GATC: variants seen among roughly 807,000 people sequenced by gnomAD.
The protein encoded by GATC is glutamyl-tRNA(Gln) amidotransferase subunit C, mitochondrial.
A neutral mutation model predicts 14.4 loss-of-function variants in GATC; 11 were observed. The ratio of observed to expected loss-of-function variants is 0.77; its 90% CI spans 0.48 to 1.27. The LOEUF is 1.27. Among genes scored for constraint, GATC ranks in the 50% most tolerant of loss-of-function variants. The pLI is 0.00. For synonymous variants in GATC, 76 were observed against 79.3 expected (o/e 0.96, Z 0.22); for missense variants, 204 against 183.0 (o/e 1.11, Z -0.66).
At chr12:120,452,007 G>C (rs1411443326) in intron 2 of GATC, among the ~76,000 whole-genome samples, 1 of 149,352 alleles carries the variant, frequency 6.7e-6, no homozygotes, top group Non-Finnish European at 1.5e-5. Context: ...CTCCCAAGTA[G>C]CTGGGACTAC....
At chr12:120,459,050 C>G (rs182120637) in intron 3 of GATC, among the ~76,000 whole-genome samples, 1 of 152,104 alleles carries the variant, frequency 6.6e-6, no homozygotes, top group Admixed American at 6.5e-5. Context: ...TTAGTAGAGA[C>G]GGGGTTTCAC....
chr12:120,458,920 G>C (rs1225630538), intron 3 of GATC, among the ~76,000 whole-genome samples: 1 of 152,168 alleles, frequency 6.6e-6, no homozygotes, highest in African/African-American at 2.4e-5. Context: ...GAGTGCAGTG[G>C]CGCGATCTCG....
chr12:120,447,391 G>A (rs1333690475), intron 2 of GATC, among the ~76,000 whole-genome samples: 1 of 151,864 alleles, frequency 6.6e-6, no homozygotes, highest in Non-Finnish European at 1.5e-5. Flanking sequence ...TCGCCTTTAA[G>A]GCCCTACTCC....
At chr12:120,449,837 A>G (rs557084883) in intron 2 of GATC, among the ~76,000 whole-genome samples, 2 of 151,956 alleles carry the variant, frequency 1.3e-5, no homozygotes, top group East Asian at 3.9e-4. Context: ...ATCTCAGCTC[A>G]CCACAACCTC....
rs747008018 is a variant in GATC at position 120,463,088 on chromosome 12, T to C, written c.*3129T>C. The C allele has an allele frequency of 6.6e-6, 1 of 150,834 alleles. No homozygotes were observed. Among genetic ancestry groups the C allele is most frequent in the African/African-American group, 2.5e-5 (1 of 40,692 alleles). The allele number at this position is 150,834 out of a possible 1,614,324, so 9.3% of individuals were successfully genotyped here. On this transcript the variant is annotated 3_prime_UTR_variant, in exon 4 of 4. Transcript: ENST00000551765. ...TGTCCCCAAACATCCGTAAATCTCA[T>C]AGTAAGGCAGGACAGGATAACCAGA...
At chr12:120,455,908 G>C (rs887728926) in intron 2 of GATC, among the ~76,000 whole-genome samples, 1 of 151,782 alleles carries the variant, frequency 6.6e-6, no homozygotes, top group African/African-American at 2.4e-5. Flanking sequence ...GGATGGTCTC[G>C]ATCTCCTGAC....
chr12:120,453,595 A>G (rs1878105262), intron 2 of GATC, among the ~76,000 whole-genome samples: 1 of 152,190 alleles, frequency 6.6e-6, no homozygotes. Context: ...TCAGTGTTTT[A>G]TATAATTCTG....
chr12:120,446,470 G>A lies in GATC; in HGVS notation c.-11G>A, dbSNP rs781523005. ...CGCGCGGGCGCACTGCGGGGGCCAA[G>A]GAAGGAAGAAATGTGGTCGCGGTTG... On this transcript the variant is annotated 5_prime_UTR_variant, in exon 1 of 4. Coordinates refer to ENST00000551765, the MANE Select transcript of GATC (RefSeq NM_176818.3). The A allele has an allele frequency of 6.2e-7, 1 of 1,605,530 alleles. No homozygotes were observed. The highest frequency in any genetic ancestry group is 8.5e-7 in the Non-Finnish European group (1 of 1,174,178).
At position 120,460,408 on chromosome 12, in the gene GATC, A is replaced by G. The variant is rs1454725343; in HGVS notation, c.*449A>G. 6.5e-6 allele frequency: 1 copy of G among 152,942 alleles called. No individual in the cohort carries two copies. The highest frequency in any genetic ancestry group is 1.5e-5 in the Non-Finnish European group (1 of 68,630). The allele number at this position is 152,942 out of a possible 1,614,324, so 9.5% of individuals were successfully genotyped here. On this transcript the variant is annotated 3_prime_UTR_variant, in exon 4 of 4. Transcript: ENST00000551765. ...CCCTATCTTTACCGAACATACCTGA[A>G]TTTGTTCCTGGGCTCCCACTTTCTT... is the stretch of plus-strand genomic sequence containing the variant.
intron 2 of GATC, among the ~76,000 whole-genome samples, chr12:120,455,694 C>T (rs934935774): frequency 6.6e-6 from 1 of 150,906 alleles, no homozygotes; most frequent in Admixed American, 6.6e-5. Context: ...ACTTAGTTCT[C>T]TTTTTTTTTG....
At position 120,462,239 on chromosome 12, in the gene GATC, C is replaced by A; in HGVS notation, c.*2280C>A. 2 of 1,473,228 alleles carry A rather than the reference C, an allele frequency of 1.4e-6. No individual in the cohort carries two copies. Among genetic ancestry groups the A allele is most frequent in the Non-Finnish European group, 1.8e-6 (2 of 1,086,642 alleles). The allele number at this position is 1,473,228 out of a possible 1,614,324, so 91.3% of individuals were successfully genotyped here. On this transcript the variant is annotated 3_prime_UTR_variant, in exon 4 of 4. Transcript: ENST00000551765. ...GAAGAATAAGCAAACCAACATCTAA[C>A]AATAATAGTTAAGTATTGAGCACTT...
In GATC at chr12:120,460,404, C is replaced by G. The variant is rs1261419656; in HGVS notation, c.*445C>G. 1 of 153,008 alleles carries G rather than the reference C, an allele frequency of 6.5e-6. No homozygotes were observed. Among genetic ancestry groups the G allele is most frequent in the Non-Finnish European group, 1.5e-5 (1 of 68,652 alleles). The allele number at this position is 153,008 out of a possible 1,614,324, so 9.5% of individuals were successfully genotyped here. On this transcript the variant is annotated 3_prime_UTR_variant, in exon 4 of 4. Transcript: ENST00000551765. ...GCAGCCCTATCTTTACCGAACATAC[C>G]TGAATTTGTTCCTGGGCTCCCACTT...
chr12:120,451,213 G>A (rs1412779784), intron 2 of GATC, among the ~76,000 whole-genome samples: 1 of 148,884 alleles, frequency 6.7e-6, no homozygotes. Flanking sequence ...TTGGGAAGCT[G>A]AGGTGGGTGG....
At chr12:120,451,316 C>T (rs1271514862) in intron 2 of GATC, among the ~76,000 whole-genome samples, 1 of 148,936 alleles carries the variant, frequency 6.7e-6, no homozygotes, top group East Asian at 2.0e-4. Flanking sequence ...AGGTGGCAGG[C>T]GCCTGTAATC....
chr12:120,446,739 C>A lies in GATC; in HGVS notation c.164C>A (p.Ala55Glu). 6.2e-7 allele frequency: 1 copy of A among 1,614,028 alleles called. No individual in the cohort carries two copies. Among genetic ancestry groups the A allele is most frequent in the Non-Finnish European group, 8.5e-7 (1 of 1,180,016 alleles). The change falls in exon 2 of 4, where the codon GCG becomes GAG. Residue 55 changes from alanine (A) to glutamate (E), a missense_variant. Physicochemically the swap from Ala to Glu is moderately radical, Grantham distance 107. Coordinates refer to ENST00000551765, the MANE Select transcript of GATC (RefSeq NM_176818.3). ...LVDFGSREAV[A>E]RLEKAIAFAD... ...GACTTCGGCAGCCGCGAGGCAGTGG[C>A]GCGACTGGAGAAAGCTATCGCCTTC...
At chr12:120,448,436 T>G (rs1359093383) in intron 2 of GATC, among the ~76,000 whole-genome samples, 1 of 149,758 alleles carries the variant, frequency 6.7e-6, no homozygotes, top group African/African-American at 2.5e-5. Flanking sequence ...TCAAGTGATT[T>G]TTGTGCCTCA....
intron 2 of GATC, among the ~76,000 whole-genome samples, chr12:120,451,539 C>G (rs567054843): frequency 6.6e-6 from 1 of 151,866 alleles, no homozygotes; most frequent in East Asian, 1.9e-4. Flanking sequence ...GCCAGGAGTT[C>G]GAGACCAGCC....
chr12:120,451,189 G>A (rs1442002045), intron 2 of GATC, among the ~76,000 whole-genome samples: 1 of 143,508 alleles, frequency 7.0e-6, no homozygotes, highest in Non-Finnish European at 1.5e-5. Flanking sequence ...GCTCACACCT[G>A]TAATTCCAGC....
intron 2 of GATC, among the ~76,000 whole-genome samples, chr12:120,452,174 G>A (rs1051145958): frequency 6.6e-6 from 1 of 152,010 alleles, no homozygotes; most frequent in Non-Finnish European, 1.5e-5. Flanking sequence ...ACCGTGCCCG[G>A]CCTAAATTAT....
Sources: gnomAD v4.1 joint callset for allele counts (sites outside exome capture counted in the v4.1 genomes callset) on GRCh38, gnomAD v4.1.1 for gene constraint, MANE v1.5 for transcripts, NCBI Gene and HGNC (gene_info 2026-07-23, HGNC 2026-07-21) for gene names.